PSMA1: variants seen among roughly 807,000 people sequenced by gnomAD.
The protein encoded by PSMA1 is proteasome 20S subunit alpha 1.
In PSMA1, 3 loss-of-function variants were observed where a neutral mutation model predicts 38.4. That is an observed-to-expected ratio of 0.08 (90% confidence interval 0.04 to 0.20). The LOEUF (loss-of-function observed/expected upper bound fraction) is 0.20. PSMA1 is among the 10% of genes least tolerant of loss of function. The pLI is 1.00. For missense variants in PSMA1, 227 were observed against 325.3 expected, an observed-to-expected ratio of 0.70 and a Z score of 2.32; for synonymous variants, 101 against 107.1, an observed-to-expected ratio of 0.94 and a Z score of 0.35.
intron 8 of PSMA1, among the ~76,000 whole-genome samples, chr11:14,509,637 G>A (rs1851307599): frequency 6.6e-6 from 1 of 151,270 alleles, no homozygotes. Flanking sequence ...CTGATCTCAA[G>A]TGATCCACTC....
chr11:14,623,601 GC>G (rs1409032295), intron 1 of PSMA1, among the ~76,000 whole-genome samples: 2 of 152,170 alleles, frequency 1.3e-5, no homozygotes, highest in Non-Finnish European at 2.9e-5. Context: ...ACATATTATG[GC>G]CCAATAGAAA....
In PSMA1 at chr11:14,527,396, T is replaced by C. The variant is rs186323449; in HGVS notation, c.22-8355A>G. On this transcript the variant is annotated intron_variant, in intron 2 of 10. Transcript: ENST00000418988. Reference sequence around the variant, plus strand: ...CTTCCAGCCTCACAGGCCCATTCTATTCTATCATCATTTCATAACCTCTTC... The same window carrying C: ...CTTCCAGCCTCACAGGCCCATTCTACTCTATCATCATTTCATAACCTCTTC... Among the ~76,000 whole-genome samples the C allele has an allele frequency of 5.8e-4, 89 of 152,312 alleles. 1 individual carries two copies. In the East Asian group the frequency reaches 0.014, roughly 24 times the overall value.
intron 2 of PSMA1, among the ~76,000 whole-genome samples, chr11:14,536,483 T>G (rs927982150): frequency 6.6e-6 from 1 of 151,682 alleles, no homozygotes. Context: ...GCAGAGATCT[T>G]GCCACTGCAC....
At chr11:14,554,678 A>G (rs1198632002) in intron 2 of PSMA1, among the ~76,000 whole-genome samples, 1 of 152,138 alleles carries the variant, frequency 6.6e-6, no homozygotes, top group East Asian at 1.9e-4. Context: ...CTATCTCTCC[A>G]TCAATATCAC....
intron 1 of PSMA1, among the ~76,000 whole-genome samples, chr11:14,628,601 A>G (rs1852953087): frequency 1.3e-5 from 2 of 149,574 alleles, no homozygotes; most frequent in African/African-American, 2.5e-5. Flanking sequence ...AGTCTTTGCT[A>G]TTGCGAATAA....
At chr11:14,549,897 TAGGTA>T (rs1396219525) in intron 2 of PSMA1, among the ~76,000 whole-genome samples, 1 of 152,092 alleles carries the variant, frequency 6.6e-6, no homozygotes, top group Admixed American at 6.6e-5. Flanking sequence ...ATGGGGTCAG[TAGGTA>T]ATATGTTGGA....
chr11:14,518,302 T>C (rs1381301446), intron 2 of PSMA1, among the ~76,000 whole-genome samples: 2 of 152,130 alleles, frequency 1.3e-5, no homozygotes, highest in African/African-American at 2.4e-5. Context: ...GGGTTTCATG[T>C]TGTTCAGGGT....
intron 2 of PSMA1, among the ~76,000 whole-genome samples, chr11:14,603,627 A>G (rs1852610241): frequency 6.6e-6 from 1 of 152,250 alleles, no homozygotes; most frequent in Non-Finnish European, 1.5e-5. Flanking sequence ...TAAACATCAA[A>G]TATTCCTAGC....
At chr11:14,529,342 A>G (rs1162516725) in intron 2 of PSMA1, among the ~76,000 whole-genome samples, 1 of 152,208 alleles carries the variant, frequency 6.6e-6, no homozygotes, top group African/African-American at 2.4e-5. Context: ...TCCACATGTT[A>G]AAACACACCT....
chr11:14,571,520 A>G (rs1236620265), intron 2 of PSMA1, among the ~76,000 whole-genome samples: 1 of 151,842 alleles, frequency 6.6e-6, no homozygotes, highest in East Asian at 1.9e-4. Flanking sequence ...GAAGCATTAA[A>G]CATGGAAAGG....
At chr11:14,614,710 C>G (rs920336659) in intron 1 of PSMA1, among the ~76,000 whole-genome samples, 1 of 152,184 alleles carries the variant, frequency 6.6e-6, no homozygotes, top group Non-Finnish European at 1.5e-5. Context: ...CAGTTCTGTT[C>G]ATTAAATCTT....
chr11:14,602,148 G>GA (rs1459284504), intron 2 of PSMA1, among the ~76,000 whole-genome samples: 1 of 152,158 alleles, frequency 6.6e-6, no homozygotes, highest in Non-Finnish European at 1.5e-5. Context: ...CCTCCCATTA[G>GA]AGCAAGAGGA....
chr11:14,620,785 A>G (rs569933697), intron 1 of PSMA1, among the ~76,000 whole-genome samples: 1 of 152,284 alleles, frequency 6.6e-6, no homozygotes, highest in Admixed American at 6.5e-5. Context: ...AGCTTTCTTA[A>G]AAGTAGCAAG....
intron 2 of PSMA1, among the ~76,000 whole-genome samples, chr11:14,594,062 T>A (rs2134189890): frequency 6.6e-6 from 1 of 152,322 alleles, no homozygotes; most frequent in Non-Finnish European, 1.5e-5. Context: ...TAGGAAGAGA[T>A]GTTGGACAAA....
chr11:14,520,117 C>A, intron 1 of PSMA1, 180 bp downstream of exon 1: 1 of 957,438 alleles, frequency 1.0e-6, no homozygotes, highest in East Asian at 2.4e-5. Flanking sequence ...CACTGGCTAC[C>A]GATAACCCCT....
chr11:14,599,754 G>T (rs966827460), intron 2 of PSMA1, among the ~76,000 whole-genome samples: 1 of 152,170 alleles, frequency 6.6e-6, no homozygotes, highest in East Asian at 1.9e-4. Flanking sequence ...ACTCATCAAA[G>T]TCATTCTCTG....
chr11:14,616,820 T>C (rs1590011913), intron 1 of PSMA1, among the ~76,000 whole-genome samples: 2 of 152,288 alleles, frequency 1.3e-5, no homozygotes, highest in South Asian at 2.1e-4. Flanking sequence ...TATTATTAAG[T>C]AGCAAACCCA....
At chr11:14,513,153 G>A (rs1476108621) in intron 7 of PSMA1, among the ~76,000 whole-genome samples, 2 of 152,078 alleles carry the variant, frequency 1.3e-5, no homozygotes, top group African/African-American at 4.8e-5. Flanking sequence ...CAACTACACT[G>A]CCTTTTTATT....
chr11:14,519,126 T>A (rs1336626527), intron 1 of PSMA1, 85 bp from the exon 2 acceptor site: 1 of 1,125,486 alleles, frequency 8.9e-7, no homozygotes, highest in African/African-American at 1.5e-5. Context: ...TATGCTTGTA[T>A]TTCCATTCAA....
Sources: allele counts gnomAD v4.1 joint callset (sites outside exome capture counted in the v4.1 genomes callset), GRCh38; gene constraint gnomAD v4.1.1; transcripts MANE v1.5; gene names NCBI Gene and HGNC (gene_info 2026-07-23, HGNC 2026-07-21).